ZNF679: variants seen among roughly 807,000 people sequenced by gnomAD.
ZNF679 encodes zinc finger protein 679.
ZNF679 carries 10 observed loss-of-function variants against 13.4 expected under a neutral mutation model. The ratio of observed to expected loss-of-function variants is 0.75; its 90% confidence interval spans 0.46 to 1.27. The LOEUF (loss-of-function observed/expected upper bound fraction) is 1.27, where lower values mean the gene tolerates loss of function less well. Among genes scored for constraint, ZNF679 ranks in the 50% most tolerant of loss-of-function variants. The pLI is 0.00. For missense variants in ZNF679, 525 were observed against 477.8 expected (o/e 1.10, Z -0.92); for synonymous variants, 179 against 162.5 (o/e 1.10, Z -0.77).
intron 2 of ZNF679, among the ~76,000 whole-genome samples, chr7:64,252,260 C>G (rs940069445): frequency 6.6e-6 from 1 of 152,152 alleles, no homozygotes; most frequent in Non-Finnish European, 1.5e-5. Context: ...CACTGCCACT[C>G]CCTGGGTTGG....
At chr7:64,238,761 G>C (rs117048229) in intron 1 of ZNF679, among the ~76,000 whole-genome samples, 1 of 152,022 alleles carries the variant, frequency 6.6e-6, no homozygotes, top group Non-Finnish European at 1.5e-5. Context: ...TCTGAAAACA[G>C]CCCCAAAACA....
intron 2 of ZNF679, among the ~76,000 whole-genome samples, chr7:64,259,277 C>A (rs1788044551): frequency 6.6e-6 from 1 of 152,130 alleles, no homozygotes; most frequent in Non-Finnish European, 1.5e-5. Context: ...ATTCTCACCA[C>A]AAATTTATGA....
chr7:64,266,155 T>C lies in ZNF679; in HGVS notation c.522T>C (p.His174=), dbSNP rs1584240195. 6.2e-7 allele frequency: 1 copy of C among 1,603,840 alleles called. No homozygotes were observed. ...GCAAATTTTCAAATTCCAATAGACATAAGACAAGACATACTGGAAAGAAAC... is the reference window on the plus strand; with the variant it reads ...GCAAATTTTCAAATTCCAATAGACACAAGACAAGACATACTGGAAAGAAAC... The part of the protein sequence containing the change: ...VFGKFSNSNR[H]KTRHTGKKHF... The change falls in exon 5 of 5, where the codon CAT becomes CAC. Residue 174 remains histidine (H), a synonymous_variant. Transcript: ENST00000421025.
At chr7:64,236,343 A>G (rs1243168422) in intron 1 of ZNF679, among the ~76,000 whole-genome samples, 2 of 152,178 alleles carry the variant, frequency 1.3e-5, no homozygotes, top group Non-Finnish European at 2.9e-5. Context: ...GCTTACAATA[A>G]GCAGGCCCAA....
intron 1 of ZNF679, among the ~76,000 whole-genome samples, chr7:64,242,600 A>G (rs937518205): frequency 3.3e-5 from 5 of 152,162 alleles, no homozygotes; most frequent in Non-Finnish European, 5.9e-5. Context: ...TGTCAGTGAG[A>G]TTCAGGAACT....
chr7:64,246,241 G>T (rs1340918218), intron 1 of ZNF679, among the ~76,000 whole-genome samples: 1 of 152,168 alleles, frequency 6.6e-6, no homozygotes, highest in African/African-American at 2.4e-5. Context: ...CTAAATTGGG[G>T]TATTAACCCA....
At chr7:64,261,045 AAGCCCG>A in intron 4 of ZNF679, 116 bp downstream of exon 4, 4 of 1,066,712 alleles carry the variant, frequency 3.7e-6, no homozygotes, top group Non-Finnish European at 5.3e-6. Context: ...AGTTTCTAAG[AAGCCCG>A]AGTCATTTTT....
chr7:64,236,142 G>T (rs764019634), intron 1 of ZNF679, among the ~76,000 whole-genome samples: 11 of 151,992 alleles, frequency 7.2e-5, no homozygotes, highest in Non-Finnish European at 1.5e-4. Context: ...GCTCACACCT[G>T]TAATCCCAGC....
intron 1 of ZNF679, among the ~76,000 whole-genome samples, chr7:64,229,668 T>C (rs1787609629): frequency 1.3e-5 from 2 of 152,154 alleles, no homozygotes; most frequent in Non-Finnish European, 2.9e-5. Flanking sequence ...CCTGTGACCT[T>C]TTATAAGGAA....
chr7:64,245,772 C>G (rs1787860799), intron 1 of ZNF679, among the ~76,000 whole-genome samples: 1 of 152,070 alleles, frequency 6.6e-6, no homozygotes, highest in South Asian at 2.1e-4. Context: ...CTCGGGAGGC[C>G]GAGGTGGTGG....
At chr7:64,260,093 ACT>A (rs1788054961) in intron 2 of ZNF679, 126 bp from the exon 3 acceptor site, 1 of 724,280 alleles carries the variant, frequency 1.4e-6, no homozygotes, top group Admixed American at 3.4e-5. Flanking sequence ...AATTTTAGTC[ACT>A]CTTATAAGTG....
chr7:64,237,174 C>T lies in ZNF679; in HGVS notation c.-91+8522C>T, dbSNP rs531622684. Among the ~76,000 whole-genome samples, 134 of 152,200 alleles carry T rather than the reference C, an allele frequency of 8.8e-4. 2 individuals carry two copies. Among genetic ancestry groups the T allele is most frequent in the African/African-American group, 3.1e-3 (128 of 41,522 alleles). ...CAGAATCCTAGGCTAGTGGAGAAAA[C>T]GGGTCACTGGTGCAGATTCAAGATC... On this transcript the variant is annotated intron_variant, in intron 1 of 4. Transcript: ENST00000421025.
intron 1 of ZNF679, among the ~76,000 whole-genome samples, chr7:64,244,923 G>T (rs540246569): frequency 9.8e-4 from 149 of 152,326 alleles, no homozygotes; most frequent in African/African-American, 3.5e-3. Context: ...GAAACCAAGA[G>T]AAAATACTGC....
intron 1 of ZNF679, among the ~76,000 whole-genome samples, chr7:64,247,396 C>T (rs1215998914): frequency 1.3e-5 from 2 of 152,146 alleles, no homozygotes; most frequent in African/African-American, 2.4e-5. Flanking sequence ...CTGGTCTGAA[C>T]TGCAATATGC....
intron 1 of ZNF679, among the ~76,000 whole-genome samples, chr7:64,229,912 C>T (rs984487825): frequency 5.3e-5 from 8 of 152,186 alleles, no homozygotes; most frequent in Non-Finnish European, 4.4e-5. Flanking sequence ...GCCACATCAC[C>T]TGAGTTCTGG....
At chr7:64,261,534 T>C (rs977173481) in intron 4 of ZNF679, among the ~76,000 whole-genome samples, 8 of 152,140 alleles carry the variant, frequency 5.3e-5, no homozygotes, top group Non-Finnish European at 1.2e-4. Context: ...ATATTTTAGA[T>C]ATAGATTTAT....
At chr7:64,233,589 C>A (rs1473936237) in intron 1 of ZNF679, among the ~76,000 whole-genome samples, 1 of 152,280 alleles carries the variant, frequency 6.6e-6, no homozygotes, top group South Asian at 2.1e-4. Context: ...TTCCGTGTAA[C>A]CTGCTTGGGG....
intron 2 of ZNF679, among the ~76,000 whole-genome samples, chr7:64,252,715 C>CTTATTT (rs778194038): frequency 8.5e-5 from 13 of 152,092 alleles, no homozygotes; most frequent in Non-Finnish European, 1.9e-4. Context: ...ATCCTGTTAT[C>CTTATTT]TTATTTTTAT....
At chr7:64,239,809 G>C (rs1253351805) in intron 1 of ZNF679, among the ~76,000 whole-genome samples, 3 of 152,102 alleles carry the variant, frequency 2.0e-5, no homozygotes, top group African/African-American at 7.2e-5. Flanking sequence ...GCACAGGGGG[G>C]ATTGTGAAAT....
Sources: allele counts gnomAD v4.1 joint callset (sites outside exome capture counted in the v4.1 genomes callset), GRCh38; gene constraint gnomAD v4.1.1; transcripts MANE v1.5; gene names NCBI Gene and HGNC (gene_info 2026-07-23, HGNC 2026-07-21).